MAF: variants seen among roughly 807,000 people sequenced by gnomAD.
The protein encoded by MAF is transcription factor Maf.
Under a neutral mutation model 22.0 loss-of-function variants are expected in MAF, and 10 were observed. The observed-to-expected ratio is 0.45, with a 90% CI of 0.28 to 0.77. The LOEUF is 0.77. MAF is among the 30% of genes least tolerant of loss of function. The pLI, the probability that MAF is intolerant of heterozygous loss-of-function variation, is 0.12. For synonymous variants in MAF, 337 were observed against 255.8 expected (o/e 1.32, Z -3.03); for missense variants, 544 against 548.4 (o/e 0.99, Z 0.08).
chr16:79,469,031 G>T, the MAF span, among the ~76,000 whole-genome samples: 1 of 152,144 alleles, frequency 6.6e-6, no homozygotes, highest in East Asian at 1.9e-4. Context: ...TATGCTAGCA[G>T]GCATTTATTC....
the MAF span, among the ~76,000 whole-genome samples, chr16:79,535,630 C>CGA: frequency 7.0e-6 from 1 of 141,854 alleles, no homozygotes; most frequent in Non-Finnish European, 1.5e-5. Flanking sequence ...GCTCTTGTCG[C>CGA]CCAGGCTGGA....
At chr16:79,596,869 T>C in intron 1 of MAF, 5 of 1,050,396 alleles carry the variant, frequency 4.8e-6, no homozygotes, top group Non-Finnish European at 4.6e-6. Flanking sequence ...TTTATTAGCG[T>C]TCTAAACAGT....
chr16:79,347,072 T>G, the MAF span, among the ~76,000 whole-genome samples: 6 of 152,190 alleles, frequency 3.9e-5, no homozygotes, highest in African/African-American at 1.4e-4. Flanking sequence ...CAGCACCTAG[T>G]AGGGGATCTG....
chr16:79,396,260 A>G, the MAF span, among the ~76,000 whole-genome samples: 1 of 152,194 alleles, frequency 6.6e-6, no homozygotes, highest in Non-Finnish European at 1.5e-5. Context: ...GACCTACCCC[A>G]GTTCCACATG....
the MAF span, among the ~76,000 whole-genome samples, chr16:79,227,661 T>G: frequency 4.6e-5 from 7 of 152,046 alleles, no homozygotes; most frequent in African/African-American, 1.7e-4. Flanking sequence ...TGCTAAAAAT[T>G]TGAACTAAAT....
At chr16:79,540,386 C>T in the MAF span, among the ~76,000 whole-genome samples, 1 of 152,118 alleles carries the variant, frequency 6.6e-6, no homozygotes, top group African/African-American at 2.4e-5. Context: ...ACCATGAGAA[C>T]CAAACAAACC....
the MAF span, among the ~76,000 whole-genome samples, chr16:79,486,660 T>A: frequency 6.6e-5 from 10 of 152,368 alleles, no homozygotes; most frequent in African/African-American, 2.4e-4. Context: ...TTTAATGTGC[T>A]AATTAATAAT....
At chr16:79,566,658 C>T in the MAF span, among the ~76,000 whole-genome samples, 2 of 152,284 alleles carry the variant, frequency 1.3e-5, no homozygotes, top group African/African-American at 4.8e-5. Context: ...GTGTAATGTC[C>T]CCCATCCCCC....
chr16:79,582,004 T>G (rs1173554686), downstream of MAF, among the ~76,000 whole-genome samples: 1 of 152,216 alleles, frequency 6.6e-6, no homozygotes, highest in Non-Finnish European at 1.5e-5. Context: ...CTGTATTTCC[T>G]ATAGATACAG....
chr16:79,527,135 G>A, the MAF span, among the ~76,000 whole-genome samples: 1,788 of 152,198 alleles, frequency 0.012, 39 homozygotes, highest in African/African-American at 0.041. Flanking sequence ...GTGGTTTAGT[G>A]AACTTGCCTA....
the MAF span, among the ~76,000 whole-genome samples, chr16:79,518,812 C>A: frequency 6.6e-6 from 1 of 152,184 alleles, no homozygotes; most frequent in Non-Finnish European, 1.5e-5. Flanking sequence ...ATAATCCCAG[C>A]CACTCGGGAG....
At chr16:79,226,501 A>T in the MAF span, among the ~76,000 whole-genome samples, 1 of 152,102 alleles carries the variant, frequency 6.6e-6, no homozygotes, top group Non-Finnish European at 1.5e-5. Context: ...TGTTCTGCAC[A>T]TGTACCCCAG....
At chr16:79,207,166 CAGCTCTCTGATAAATGT>C in the MAF span, among the ~76,000 whole-genome samples, 4 of 152,208 alleles carry the variant, frequency 2.6e-5, no homozygotes, top group African/African-American at 4.8e-5. Flanking sequence ...TCCACCGCAG[CAGCTCTCTGATAAATGT>C]AGCTCTCTGA....
the MAF span, among the ~76,000 whole-genome samples, chr16:79,443,662 C>G: frequency 1.1e-4 from 17 of 152,144 alleles, no homozygotes; most frequent in African/African-American, 4.1e-4. Context: ...TGGTGTGGGC[C>G]CCGTGGAGGG....
chr16:79,240,485 T>G, the MAF span, among the ~76,000 whole-genome samples: 1 of 71,546 alleles, frequency 1.4e-5, no homozygotes, highest in African/African-American at 5.0e-5. Context: ...CAAGCATCTC[T>G]GGAAAAAAAA....
At chr16:79,336,439 A>G in the MAF span, among the ~76,000 whole-genome samples, 1 of 152,116 alleles carries the variant, frequency 6.6e-6, no homozygotes, top group Non-Finnish European at 1.5e-5. Context: ...CTGTGTTCCT[A>G]ATTATTCTAT....
At chr16:79,223,927 G>A in the MAF span, among the ~76,000 whole-genome samples, 73,550 of 151,902 alleles carry the variant, frequency 0.48, 19,393 homozygotes, top group Non-Finnish European at 0.61. Context: ...ATTCTACCAG[G>A]AGTACAAAGA....
the MAF span, among the ~76,000 whole-genome samples, chr16:79,225,591 C>A: frequency 6.6e-6 from 1 of 152,098 alleles, no homozygotes; most frequent in Non-Finnish European, 1.5e-5. Context: ...GAACAGGAAA[C>A]CTACAGAATG....
chr16:79,537,561 G>A, the MAF span, among the ~76,000 whole-genome samples: 2 of 152,282 alleles, frequency 1.3e-5, no homozygotes, highest in East Asian at 1.9e-4. Context: ...CTGGCTATAG[G>A]AGGATGTTAC....
Sources: allele counts gnomAD v4.1 joint callset (sites outside exome capture counted in the v4.1 genomes callset), GRCh38; gene constraint gnomAD v4.1.1; transcripts MANE v1.5; gene names NCBI Gene and HGNC (gene_info 2026-07-23, HGNC 2026-07-21).